The following LRWD1 variants were observed in gnomAD, a reference collection of about 807,000 sequenced individuals.
LRWD1 encodes leucine-rich repeat and WD repeat-containing protein 1.
In LRWD1, 76 loss-of-function variants were observed where a neutral mutation model predicts 75.6. The observed-to-expected ratio is 1.01, with a 90% CI of 0.84 to 1.22. The LOEUF (loss-of-function observed/expected upper bound fraction) is 1.22. LRWD1 is among the 50% of genes most tolerant of loss of function. The pLI is 0.00. For synonymous variants in LRWD1, 487 were observed against 377.0 expected (o/e 1.29, Z -3.38); for missense variants, 917 against 862.0 (o/e 1.06, Z -0.80).
In LRWD1 at chr7:102,468,561, A is replaced by T. The variant is rs1454969986; in HGVS notation, c.927A>T (p.Thr309=). ...TCAAAACCGGGCACTCAGGGGCCAC[A>T]TCCCAGACCGTGGCCACGTGCGGCG... ...AFEPAWEEGA[T]SQTVATCGGE... Residue 309 remains threonine (T), a synonymous_variant, in exon 8 of 15, where the codon ACA becomes ACT. Coordinates refer to ENST00000292616, the MANE Select transcript of LRWD1 (RefSeq NM_152892.3). 1.3e-6 allele frequency: 2 copies of T among 1,569,952 alleles called. No individual in the cohort carries two copies.
rs1291626873 is a variant in LRWD1 at position 102,465,176 on chromosome 7, C to G, written c.80+16C>G. ...GGAGTCTGGAGTAAGAGCCGGGCAG[C>G]GGGTGAGGCTGTGTCCTCGGGGCCG... On this transcript the variant is annotated intron_variant, in intron 1 of 14. Transcript: ENST00000292616. 6.8e-7 allele frequency: 1 copy of G among 1,477,782 alleles called. No homozygotes were observed. The highest frequency in any genetic ancestry group is 9.0e-7 in the Non-Finnish European group (1 of 1,115,924). 91.5% of individuals were successfully genotyped at this position (1,477,782 alleles called of 1,614,324 possible). A position where few individuals can be genotyped will look rare whatever the true frequency, so the allele number is the denominator to read the frequency against.
In LRWD1 at chr7:102,466,183, C is replaced by T. The variant is rs146833808; in HGVS notation, c.345C>T (p.Leu115=). 1.5e-5 allele frequency: 25 copies of T among 1,614,190 alleles called. No homozygotes were observed. The African/African-American group carries it at 3.2e-4, about 21-fold the overall frequency. The change falls in exon 3 of 15, where the codon CTC becomes CTT. Residue 115 remains leucine, a synonymous_variant. Transcript: ENST00000292616. ...ATGACAACCTGAAAGTCTCCTTTCT[C>T]CTGCCCACGCTCCGTAAGGTCAATG... ...TVNDNLKVSF[L]LPTLRKVNGK... is the part of the protein sequence containing the mutation.
intron 4 of LRWD1, 32 bp downstream of exon 4, chr7:102,467,511 C>T (rs747005063): frequency 1.9e-6 from 3 of 1,604,266 alleles, no homozygotes; most frequent in Admixed American, 3.3e-5. Flanking sequence ...CAGGGAGTCA[C>T]TGGCTCTCGT....
chr7:102,466,195 C>T lies in LRWD1; in HGVS notation c.357C>T (p.Leu119=), dbSNP rs773263151. Residue 119 remains leucine (L), a synonymous_variant, in exon 3 of 15, where the codon CTC becomes CTT. Transcript: ENST00000292616. The part of the protein sequence containing the change: ...NLKVSFLLPT[L]RKVNGKDASS... ...AAGTCTCCTTTCTCCTGCCCACGCTCCGTAAGGTCAATGGCAAGGATGCGT... is the reference window on the plus strand; with the variant it reads ...AAGTCTCCTTTCTCCTGCCCACGCTTCGTAAGGTCAATGGCAAGGATGCGT... 3.1e-6 allele frequency: 5 copies of T among 1,614,100 alleles called. No individual in the cohort carries two copies. The highest frequency in any genetic ancestry group is 1.7e-5 in the Admixed American group (1 of 60,000).
Position 102,466,223 on chromosome 7 carries a change from T to G in LRWD1, c.385T>G (p.Ser129Ala). Residue 129 changes from serine to alanine, a missense_variant, in exon 3 of 15, where the codon TCA becomes GCA. By Grantham distance (99) the Ser-to-Ala change is moderately conservative (BLOSUM62 1). Transcript: ENST00000292616. The part of the protein sequence containing the change: ...LRKVNGKDAS[S>A]TYSQVENLNR... ...TAAGGTCAATGGCAAGGATGCGTCC[T>G]CAACTTACTCTCAGGTGGAGAACCT... 3.1e-6 allele frequency: 5 copies of G among 1,614,150 alleles called. No homozygotes were observed. The highest frequency in any genetic ancestry group is 4.2e-6 in the Non-Finnish European group (5 of 1,180,032).
chr7:102,472,360 A>G, intron 12 of LRWD1, 51 bp downstream of exon 12: 1 of 1,552,358 alleles, frequency 6.4e-7, no homozygotes, highest in Non-Finnish European at 8.7e-7. Context: ...ACACAGATGG[A>G]CCGCTTGTCC....
Position 102,473,116 on chromosome 7 carries a change from TGGGG to T in LRWD1, c.*73_*76del. 1.7e-6 allele frequency: 2 copies of T among 1,211,548 alleles called. No homozygotes were observed. The allele number at this position is 1,211,548 out of a possible 1,614,324, so 75.0% of individuals were successfully genotyped here. ...TTATTCAGCTTTGGGCCGATGGGGG[TGGGG>T]GGGGGTCTTTCAGTGAATATTTTTA... On this transcript the variant is annotated 3_prime_UTR_variant, in exon 15 of 15. Transcript: ENST00000292616.
Position 102,466,149 on chromosome 7 carries a change from C to G in LRWD1, c.316-5C>G, listed in dbSNP as rs145900836. On this transcript the variant is annotated splice_polypyrimidine_tract_variant and splice_region_variant and intron_variant, in intron 2 of 14. Transcript: ENST00000292616. ...AGCCACTGCTCTTCACCCTCTCTTCCCCAGGTCAATGACAACCTGAAAGTC... is the reference window on the plus strand; with the variant it reads ...AGCCACTGCTCTTCACCCTCTCTTCGCCAGGTCAATGACAACCTGAAAGTC... The G allele has an allele frequency of 6.2e-7, 1 of 1,613,870 alleles. No homozygotes were observed. The highest frequency in any genetic ancestry group is 8.5e-7 in the Non-Finnish European group (1 of 1,179,728).
chr7:102,469,843 G>A lies in LRWD1; in HGVS notation c.1403G>A (p.Cys468Tyr), dbSNP rs756204371. The A allele has an allele frequency of 6.2e-7, 1 of 1,602,362 alleles. No individual in the cohort carries two copies. Among genetic ancestry groups the A allele is most frequent in the Admixed American group, 1.7e-5 (1 of 59,314 alleles). The change falls in exon 11 of 15, where the codon TGC becomes TAC. Residue 468 changes from cysteine to tyrosine, a missense_variant. By Grantham distance (194) the Cys-to-Tyr change is radical. Coordinates refer to ENST00000292616, the MANE Select transcript of LRWD1 (RefSeq NM_152892.3). ...RLLAGCEGGC[C>Y]CWDVRLDQPQ... ...CTGGCCGGCTGCGAGGGCGGCTGCT[G>A]CTGCTGGGACGTGCGGCTGGACCAG...
intron 1 of LRWD1, 28 bp from the exon 2 acceptor site, chr7:102,465,789 C>T (rs1797955148): frequency 6.4e-7 from 1 of 1,569,788 alleles, no homozygotes; most frequent in African/African-American, 1.4e-5. Flanking sequence ...GCCTGCCCGC[C>T]CCCTAAGCCT....
Position 102,472,800 on chromosome 7 carries a change from C to T in LRWD1, c.1799C>T (p.Thr600Ile), listed in dbSNP as rs757995965. ...PLLPAALQAPTQILKWPQPWA... is the reference protein window; with the variant it reads ...PLLPAALQAPIQILKWPQPWA... ...CTGCCGGCAGCCCTGCAGGCCCCCA[C>T]ACAGGTACTGCCCGGCTCACCCTGC... is the stretch of plus-strand genomic sequence containing the variant. Residue 600 changes from threonine to isoleucine, a missense_variant, in exon 14 of 15, where the codon ACA becomes ATA. By Grantham distance (89) the Thr-to-Ile change is moderately conservative. Transcript: ENST00000292616. 3.1e-6 allele frequency: 5 copies of T among 1,613,364 alleles called. No homozygotes were observed. Among genetic ancestry groups the T allele is most frequent in the Non-Finnish European group, 4.2e-6 (5 of 1,179,922 alleles).
intron 5 of LRWD1, 42 bp from the exon 6 acceptor site, chr7:102,468,020 C>A: frequency 6.3e-7 from 1 of 1,592,254 alleles, no homozygotes. Flanking sequence ...AGGAAGGAAG[C>A]CCCAGGCAGA....
At chr7:102,472,175 A>C (rs375151598) in intron 11 of LRWD1, 43 bp from the exon 12 acceptor site, 1 of 1,544,084 alleles carries the variant, frequency 6.5e-7, no homozygotes, top group Non-Finnish European at 8.8e-7. Context: ...GCAGCTCTCT[A>C]TCTGCAAGGA....
chr7:102,468,178 T>C lies in LRWD1; in HGVS notation c.795T>C (p.Asp265=), dbSNP rs369271193. ...QVEGSPVAGS[D]GSQPAVKLEP... is the part of the protein sequence containing the mutation. ...AGGGCAGCCCTGTGGCAGGCTCCGA[T>C]GGCAGCCAGGTGAGCTGAGGTGGCA... Residue 265 remains aspartate, a synonymous_variant, in exon 6 of 15, where the codon GAT becomes GAC. Transcript: ENST00000292616. The C allele has an allele frequency of 1.9e-5, 30 of 1,605,832 alleles. No individual in the cohort carries two copies. The highest frequency in any genetic ancestry group is 2.5e-5 in the Non-Finnish European group (29 of 1,177,374).
At chr7:102,472,083 A>C (rs775581359) in intron 11 of LRWD1, 135 bp from the exon 12 acceptor site, 8 of 784,970 alleles carry the variant, frequency 1.0e-5, no homozygotes, top group African/African-American at 1.7e-5. Context: ...CCAAGAATGT[A>C]TCTCTTTGGT....
rs1798137104 is a variant in LRWD1, at chr7:102,469,957, C to T, written c.1442+75C>T. 32 of 1,424,692 alleles carry T rather than the reference C, an allele frequency of 2.2e-5. No homozygotes were observed. The South Asian group carries it at 4.7e-4, about 21-fold the overall frequency. 88.3% of individuals were successfully genotyped at this position (1,424,692 alleles called of 1,614,324 possible). ...GCTGTTGGCCCAGATGGGCTCACAG[C>T]AGCCTGGGCACACCCGGGTAACCAT... On this transcript the variant is annotated intron_variant, in intron 11 of 14. Coordinates refer to ENST00000292616, the MANE Select transcript of LRWD1 (RefSeq NM_152892.3).
chr7:102,465,162 T>A lies in LRWD1; in HGVS notation c.80+2T>A, dbSNP rs1192038558. 4.0e-6 allele frequency: 6 copies of A among 1,500,250 alleles called. No individual in the cohort carries two copies. The African/African-American group carries it at 4.4e-5, about 11-fold the overall frequency. The allele number at this position is 1,500,250 out of a possible 1,614,324, so 92.9% of individuals were successfully genotyped here. A position where few individuals can be genotyped will look rare whatever the true frequency, so the allele number is the denominator to read the frequency against. ...GCTGGGGAAGATCCGGAGTCTGGAG[T>A]AAGAGCCGGGCAGCGGGTGAGGCTG... On this transcript the variant is annotated splice_donor_variant, in intron 1 of 14. Transcript: ENST00000292616. LOFTEE classifies it high-confidence loss of function.
chr7:102,467,184 G>A (rs1223668137), intron 3 of LRWD1, among the ~76,000 whole-genome samples, 155 bp from the exon 4 acceptor site: 53 of 145,412 alleles, frequency 3.6e-4, no homozygotes, highest in Middle Eastern at 3.4e-3. Context: ...GTGTGTGTGT[G>A]TGTGTGTGTG....
At chr7:102,472,002 G>C (rs1055543655) in intron 11 of LRWD1, 7 of 548,442 alleles carry the variant, frequency 1.3e-5, no homozygotes, top group African/African-American at 1.9e-5. Context: ...TCGTGCCTCT[G>C]GGTCACTACT....
Sources: gnomAD v4.1 joint callset for allele counts (sites outside exome capture counted in the v4.1 genomes callset) on GRCh38, gnomAD v4.1.1 for gene constraint, MANE v1.5 for transcripts, NCBI Gene and HGNC (gene_info 2026-07-23, HGNC 2026-07-21) for gene names.